PICALM: variants seen among roughly 807,000 people sequenced by gnomAD.
The protein encoded by PICALM is phosphatidylinositol binding clathrin assembly protein, also known as phosphatidylinositol-binding clathrin assembly protein.
Under a neutral mutation model 80.5 loss-of-function variants are expected in PICALM, and 40 were observed. The observed-to-expected ratio is 0.50, with a 90% confidence interval of 0.39 to 0.65. PICALM has a LOEUF of 0.65. Among genes scored for constraint, PICALM ranks in the 30% least tolerant of loss-of-function variants. The pLI, the probability that PICALM is intolerant of heterozygous loss-of-function variation, is 0.00. For synonymous variants in PICALM, 288 were observed against 260.3 expected (o/e 1.11, Z -1.02); for missense variants, 676 against 778.9 (o/e 0.87, Z 1.57).
chr11:86,069,233 G>GC (rs1171343013), upstream of PICALM: 8 of 181,144 alleles, frequency 4.4e-5, no homozygotes, highest in African/African-American at 1.9e-4. Flanking sequence ...GCTGGGCGGC[G>GC]CCCGCGCGTT....
rs553038422 is a variant in PICALM at position 86,010,901 on chromosome 11, T to C, written c.765+129A>G. ...ATTCATATCTTGCCACAGAATTCAA[T>C]ACAGCATAATAATGATTGAATACTA... On this transcript the variant is annotated intron_variant, in intron 7 of 19. Coordinates refer to ENST00000393346, the MANE Select transcript of PICALM (RefSeq NM_007166.4). 14 of 618,086 alleles carry C rather than the reference T, an allele frequency of 2.3e-5. No homozygotes were observed. The East Asian group carries it at 4.2e-4, about 19-fold the overall frequency. 38.3% of individuals were successfully genotyped at this position (618,086 alleles called of 1,614,324 possible).
intron 1 of PICALM, among the ~76,000 whole-genome samples, chr11:86,042,737 A>C (rs2095996811): frequency 6.6e-6 from 1 of 152,028 alleles, no homozygotes. Context: ...AAGTCAACTA[A>C]CAATACATTG....
At chr11:86,056,134 T>TAAAAAAAAAAAAAAA (rs376759395) in intron 1 of PICALM, among the ~76,000 whole-genome samples, 11 of 76,838 alleles carry the variant, frequency 1.4e-4, no homozygotes, top group African/African-American at 2.9e-4. Flanking sequence ...GACTCTGTCT[T>TAAAAAAAAAAAAAAA]TAAAAAAAAA....
At chr11:86,002,339 C>A (rs1486800728) in intron 9 of PICALM, among the ~76,000 whole-genome samples, 2 of 152,012 alleles carry the variant, frequency 1.3e-5, no homozygotes, top group African/African-American at 4.8e-5. Flanking sequence ...TCTGAAACAA[C>A]CAGAAAGTCT....
intron 3 of PICALM, 131 bp from the exon 4 acceptor site, chr11:86,022,600 C>T (rs1472824098): frequency 2.0e-6 from 1 of 512,160 alleles, no homozygotes; most frequent in Non-Finnish European, 3.4e-6. Flanking sequence ...TATCCCAATT[C>T]AATTTAGTAT....
intron 12 of PICALM, among the ~76,000 whole-genome samples, chr11:85,994,357 AT>A (rs1431452067): frequency 1.3e-5 from 2 of 152,144 alleles, no homozygotes; most frequent in Non-Finnish European, 1.5e-5. Context: ...GTGTTCTCCC[AT>A]TTTCATTCTA....
intron 18 of PICALM, among the ~76,000 whole-genome samples, chr11:85,975,597 T>TTC (rs1303956365): frequency 7.1e-6 from 1 of 140,052 alleles, no homozygotes; most frequent in Admixed American, 7.2e-5. Context: ...GCAGACTTTT[T>TTC]TTTTTTTTTT....
intron 9 of PICALM, among the ~76,000 whole-genome samples, chr11:86,001,394 T>A (rs17745105): frequency 6.6e-6 from 1 of 152,110 alleles, no homozygotes; most frequent in African/African-American, 2.4e-5. Flanking sequence ...AGTGTTTGAC[T>A]TTGGAAAGGG....
chr11:85,984,051 G>A (rs1457028354), intron 13 of PICALM, 78 bp from the exon 14 acceptor site: 1 of 670,618 alleles, frequency 1.5e-6, no homozygotes, highest in Non-Finnish European at 2.6e-6. Flanking sequence ...GATGACAATA[G>A]AATGGAAAAT....
At chr11:85,989,693 C>T (rs1482324033) in intron 13 of PICALM, among the ~76,000 whole-genome samples, 1 of 152,058 alleles carries the variant, frequency 6.6e-6, no homozygotes, top group African/African-American at 2.4e-5. Context: ...AAATGAAACA[C>T]ATACTTCCTA....
chr11:86,055,025 T>C (rs1162821300), intron 1 of PICALM, among the ~76,000 whole-genome samples: 2 of 152,088 alleles, frequency 1.3e-5, no homozygotes, highest in Non-Finnish European at 2.9e-5. Flanking sequence ...TTGGCAAAAA[T>C]CTACCTTTAA....
chr11:86,010,885 T>C (rs1287099423), intron 7 of PICALM, 145 bp downstream of exon 7: 9 of 585,488 alleles, frequency 1.5e-5, no homozygotes, highest in Admixed American at 3.7e-5. Flanking sequence ...TATTCATATC[T>C]TGCCACAGAA....
At chr11:85,992,629 A>G (rs1470486787) in intron 12 of PICALM, among the ~76,000 whole-genome samples, 1 of 152,142 alleles carries the variant, frequency 6.6e-6, no homozygotes, top group Non-Finnish European at 1.5e-5. Flanking sequence ...AGCTGCATAG[A>G]GTTTTAAAAG....
chr11:86,017,346 T>C (rs1429814909), intron 4 of PICALM, among the ~76,000 whole-genome samples: 1 of 152,148 alleles, frequency 6.6e-6, no homozygotes, highest in Non-Finnish European at 1.5e-5. Flanking sequence ...ACATAATCAT[T>C]TTAGCTCACT....
At chr11:85,977,351 C>G (rs967728842) in intron 17 of PICALM, among the ~76,000 whole-genome samples, 1 of 152,190 alleles carries the variant, frequency 6.6e-6, no homozygotes, top group African/African-American at 2.4e-5. Flanking sequence ...CCATCTATCA[C>G]TATGATGTTT....
intron 8 of PICALM, among the ~76,000 whole-genome samples, chr11:86,004,654 T>C (rs574464570): frequency 1.3e-5 from 2 of 152,248 alleles, no homozygotes; most frequent in South Asian, 2.1e-4. Flanking sequence ...AATGCACCAG[T>C]AGCATTTACT....
intron 6 of PICALM, among the ~76,000 whole-genome samples, chr11:86,011,843 TCCTTTTTG>T (rs1291505932): frequency 4.0e-5 from 6 of 150,812 alleles, no homozygotes; most frequent in Non-Finnish European, 7.4e-5. Flanking sequence ...AAACTTACTA[TCCTTTTTG>T]TTTTTTTTTT....
chr11:86,055,603 T>C (rs1413212114), intron 1 of PICALM, among the ~76,000 whole-genome samples: 3 of 152,184 alleles, frequency 2.0e-5, no homozygotes, highest in African/African-American at 4.8e-5. Context: ...CATTTCCACA[T>C]TACACAGAGG....
intron 1 of PICALM, among the ~76,000 whole-genome samples, chr11:86,034,337 T>C (rs1175590618): frequency 6.6e-6 from 1 of 152,168 alleles, no homozygotes; most frequent in Non-Finnish European, 1.5e-5. Flanking sequence ...CATTTAATAG[T>C]ACCCTGAAAA....
Sources: gnomAD v4.1 joint callset for allele counts (sites outside exome capture counted in the v4.1 genomes callset) on GRCh38, gnomAD v4.1.1 for gene constraint, MANE v1.5 for transcripts, NCBI Gene and HGNC (gene_info 2026-07-23, HGNC 2026-07-21) for gene names.